Variants in CHCHD3 observed in about 807,000 individuals in gnomAD.
The protein encoded by CHCHD3 is MICOS complex subunit MIC19.
A neutral mutation model predicts 38.2 loss-of-function variants in CHCHD3; 20 were observed. The ratio of observed to expected loss-of-function variants is 0.52; its 90% confidence interval spans 0.37 to 0.76. CHCHD3 has a LOEUF of 0.76. CHCHD3 is among the 30% of genes least tolerant of loss of function. CHCHD3 has a pLI of 0.00. For synonymous variants in CHCHD3, 82 were observed against 100.0 expected, an observed-to-expected ratio of 0.82 and a Z score of 1.07; for missense variants, 245 against 279.2, an observed-to-expected ratio of 0.88 and a Z score of 0.87.
chr7:132,786,529 G>T (rs1806322474), intron 7 of CHCHD3, among the ~76,000 whole-genome samples: 2 of 152,128 alleles, frequency 1.3e-5, no homozygotes, highest in South Asian at 4.1e-4. Context: ...GCTGAAATGG[G>T]GGTATACTGC....
At chr7:133,002,563 T>C (rs1584634827) in intron 3 of CHCHD3, among the ~76,000 whole-genome samples, 1 of 151,820 alleles carries the variant, frequency 6.6e-6, no homozygotes, top group South Asian at 2.1e-4. Context: ...GCATTCCTTA[T>C]AGAGATAACT....
chr7:132,986,300 A>G (rs1812118770), intron 3 of CHCHD3, among the ~76,000 whole-genome samples: 2 of 149,338 alleles, frequency 1.3e-5, no homozygotes, highest in African/African-American at 5.0e-5. Context: ...TAGGAAAACC[A>G]GAGACCTTTG....
At chr7:132,924,557 T>C (rs935215092) in intron 4 of CHCHD3, among the ~76,000 whole-genome samples, 13 of 152,276 alleles carry the variant, frequency 8.5e-5, no homozygotes, top group Middle Eastern at 3.4e-3. Context: ...CTGGTCATAG[T>C]AAAGAAGTAA....
intron 2 of CHCHD3, among the ~76,000 whole-genome samples, chr7:133,033,406 A>G (rs1357843234): frequency 1.3e-5 from 2 of 152,122 alleles, no homozygotes; most frequent in African/African-American, 2.4e-5. Context: ...CCGTGCCACT[A>G]AACACCACAG....
At chr7:133,056,832 G>A (rs566670412) in intron 2 of CHCHD3, among the ~76,000 whole-genome samples, 8 of 152,276 alleles carry the variant, frequency 5.3e-5, no homozygotes, top group Admixed American at 1.3e-4. Context: ...TGAGAAATTG[G>A]CATTAGTCTC....
At chr7:132,992,393 TCCTCAGA>T (rs1357637083) in intron 3 of CHCHD3, among the ~76,000 whole-genome samples, 2 of 152,098 alleles carry the variant, frequency 1.3e-5, no homozygotes, top group Non-Finnish European at 2.9e-5. Context: ...AAATGCCCCT[TCCTCAGA>T]CGTCTGAGCT....
intron 2 of CHCHD3, among the ~76,000 whole-genome samples, chr7:133,066,390 G>C (rs1243639247): frequency 6.6e-6 from 1 of 152,106 alleles, no homozygotes; most frequent in Non-Finnish European, 1.5e-5. Flanking sequence ...GAGTAGCTGG[G>C]ATTACAGGCA....
At chr7:132,974,553 A>G (rs1811708498) in intron 4 of CHCHD3, among the ~76,000 whole-genome samples, 1 of 152,008 alleles carries the variant, frequency 6.6e-6, no homozygotes, top group African/African-American at 2.4e-5. Flanking sequence ...TGAGGTTTCA[A>G]AGACAATAAA....
At chr7:132,901,222 A>G (rs1026361832) in intron 4 of CHCHD3, among the ~76,000 whole-genome samples, 2 of 152,228 alleles carry the variant, frequency 1.3e-5, no homozygotes, top group Admixed American at 1.3e-4. Context: ...CAAGGAAAAT[A>G]AGTTAAGAGA....
chr7:133,066,099 G>A (rs922509794), intron 2 of CHCHD3, among the ~76,000 whole-genome samples: 2 of 152,164 alleles, frequency 1.3e-5, no homozygotes, highest in Non-Finnish European at 2.9e-5. Flanking sequence ...AGCCACATGC[G>A]GTTACTGAGC....
chr7:132,943,577 T>C lies in CHCHD3; in HGVS notation c.369+31592A>G, dbSNP rs1810824159. On this transcript the variant is annotated intron_variant, in intron 4 of 7. Transcript: ENST00000262570. ...AACACAAGACTGAATTAAAATTTCA[T>C]TAGTAAAAAAATTGAAAACAAAAGT... is the stretch of plus-strand genomic sequence containing the variant. Among the ~76,000 whole-genome samples the C allele has an allele frequency of 2.6e-5, 4 of 152,194 alleles. No individual in the cohort carries two copies. In the South Asian group the frequency reaches 8.3e-4, roughly 32 times the overall value.
At chr7:132,882,204 C>G (rs1375680896) in intron 5 of CHCHD3, among the ~76,000 whole-genome samples, 1 of 149,604 alleles carries the variant, frequency 6.7e-6, no homozygotes, top group Non-Finnish European at 1.5e-5. Context: ...CAGAGTATAT[C>G]CCCATTTTGC....
intron 6 of CHCHD3, among the ~76,000 whole-genome samples, chr7:132,830,516 A>G (rs1351070303): frequency 6.6e-6 from 1 of 152,244 alleles, no homozygotes; most frequent in Non-Finnish European, 1.5e-5. Flanking sequence ...AGAAGGTGAC[A>G]GTTATAATTT....
At chr7:132,896,273 A>G (rs1272578431) in intron 4 of CHCHD3, among the ~76,000 whole-genome samples, 6 of 152,252 alleles carry the variant, frequency 3.9e-5, no homozygotes, top group Non-Finnish European at 8.8e-5. Context: ...CTTTGAATCC[A>G]TTTAACTTAT....
intron 5 of CHCHD3, among the ~76,000 whole-genome samples, chr7:132,883,846 C>T (rs1809137873): frequency 6.6e-6 from 1 of 152,110 alleles, no homozygotes; most frequent in Non-Finnish European, 1.5e-5. Context: ...CTTAACATAT[C>T]CACAATCAAA....
At chr7:132,801,624 C>T (rs1806796681) in intron 6 of CHCHD3, among the ~76,000 whole-genome samples, 1 of 152,218 alleles carries the variant, frequency 6.6e-6, no homozygotes, top group Non-Finnish European at 1.5e-5. Context: ...TAGCTCAGTA[C>T]TTAGCTCAAC....
At chr7:132,814,776 GTCATA>G (rs1175729709) in intron 6 of CHCHD3, among the ~76,000 whole-genome samples, 1 of 152,180 alleles carries the variant, frequency 6.6e-6, no homozygotes, top group Non-Finnish European at 1.5e-5. Flanking sequence ...CAGATCATAT[GTCATA>G]TCATATATCA....
chr7:132,960,505 C>G (rs1212005988), intron 4 of CHCHD3, among the ~76,000 whole-genome samples: 1 of 152,116 alleles, frequency 6.6e-6, no homozygotes, highest in Non-Finnish European at 1.5e-5. Context: ...AAGTAATAAT[C>G]AGTTTGAAGC....
chr7:132,982,968 A>T (rs1334998399), intron 3 of CHCHD3, among the ~76,000 whole-genome samples: 1 of 152,220 alleles, frequency 6.6e-6, no homozygotes, highest in East Asian at 1.9e-4. Context: ...TGCATAAAAT[A>T]TGTTGATTCT....
Sources: allele counts gnomAD v4.1 joint callset (sites outside exome capture counted in the v4.1 genomes callset), GRCh38; gene constraint gnomAD v4.1.1; transcripts MANE v1.5; gene names NCBI Gene and HGNC (gene_info 2026-07-23, HGNC 2026-07-21).